TRPM3: variants seen among roughly 807,000 people sequenced by gnomAD.
TRPM3 encodes transient receptor potential cation channel subfamily M member 3.
In TRPM3, 77 loss-of-function variants were observed where a neutral mutation model predicts 181.2. That is an observed-to-expected ratio of 0.42 (90% CI 0.35 to 0.51). TRPM3 has a LOEUF of 0.51. TRPM3 is among the 20% of genes least tolerant of loss of function. The pLI is 0.01. For missense variants in TRPM3, 1,759 were observed against 2,196.7 expected (o/e 0.80, Z 3.98); for synonymous variants, 745 against 796.4 (o/e 0.94, Z 1.09).
intron 1 of TRPM3, among the ~76,000 whole-genome samples, chr9:71,382,462 T>A (rs2092823289): frequency 6.6e-6 from 1 of 152,148 alleles, no homozygotes; most frequent in Admixed American, 6.6e-5. Flanking sequence ...TGAGTCTTCT[T>A]ACTCTAGGTA....
intron 6 of TRPM3, among the ~76,000 whole-genome samples, chr9:70,802,027 C>T (rs774580107): frequency 2.0e-5 from 3 of 152,180 alleles, no homozygotes; most frequent in Admixed American, 6.5e-5. Flanking sequence ...TTCTGATCAG[C>T]AGGTCTAGAA....
At chr9:70,930,944 G>A (rs1448286018) in intron 1 of TRPM3, among the ~76,000 whole-genome samples, 1 of 152,000 alleles carries the variant, frequency 6.6e-6, no homozygotes, top group Non-Finnish European at 1.5e-5. Context: ...GAAAAATACA[G>A]ATAAAAATTA....
At chr9:70,602,601 A>G (rs1029143691) in intron 20 of TRPM3, among the ~76,000 whole-genome samples, 1 of 152,206 alleles carries the variant, frequency 6.6e-6, no homozygotes, top group African/African-American at 2.4e-5. Flanking sequence ...TCCCTGATGA[A>G]ATAGGAGCTT....
intron 6 of TRPM3, among the ~76,000 whole-genome samples, chr9:70,822,165 A>T (rs2093229573): frequency 6.6e-6 from 1 of 152,202 alleles, no homozygotes; most frequent in African/African-American, 2.4e-5. Flanking sequence ...TGTGCCCGTA[A>T]TTCTCTGCTT....
chr9:70,946,869 C>T (rs528237524), intron 1 of TRPM3, among the ~76,000 whole-genome samples: 1 of 152,264 alleles, frequency 6.6e-6, no homozygotes, highest in Admixed American at 6.5e-5. Flanking sequence ...TTCCACTCAA[C>T]ATTATATATA....
chr9:70,921,446 G>T (rs934469114), intron 1 of TRPM3, among the ~76,000 whole-genome samples: 3 of 152,178 alleles, frequency 2.0e-5, no homozygotes, highest in Non-Finnish European at 4.4e-5. Context: ...CTACAAACTA[G>T]TGCTATTAGC....
rs574850362 is a variant in TRPM3 at position 71,098,454 on chromosome 9, C to G, written c.177+22724G>C. Among the ~76,000 whole-genome samples the G allele has an allele frequency of 6.6e-5, 10 of 152,306 alleles. No homozygotes were observed. In the South Asian group the frequency reaches 2.1e-3, roughly 32 times the overall value. ...ACTGGTGTTTTCCGGTTTAACATAA[C>G]TACTTTCACACACTATTCAGCTGAG... On this transcript the variant is annotated intron_variant, in intron 1 of 25. Transcript: ENST00000677713.
intron 1 of TRPM3, among the ~76,000 whole-genome samples, chr9:71,294,409 T>C (rs1391051098): frequency 1.3e-5 from 2 of 152,034 alleles, no homozygotes; most frequent in Non-Finnish European, 2.9e-5. Context: ...CAAATTAAAA[T>C]CTCAAGGAGA....
At chr9:70,692,695 C>A (rs915072444) in intron 8 of TRPM3, among the ~76,000 whole-genome samples, 1 of 152,184 alleles carries the variant, frequency 6.6e-6, no homozygotes, top group African/African-American at 2.4e-5. Context: ...TTTAAGCTCT[C>A]GCTTCTTGGA....
chr9:71,249,931 A>C (rs1588133004), intron 1 of TRPM3, among the ~76,000 whole-genome samples: 1 of 152,370 alleles, frequency 6.6e-6, no homozygotes, highest in Non-Finnish European at 1.5e-5. Flanking sequence ...TTTCCCAGAC[A>C]TCACCATCTG....
chr9:71,341,320 A>T (rs547046316), intron 1 of TRPM3, among the ~76,000 whole-genome samples: 1 of 152,230 alleles, frequency 6.6e-6, no homozygotes, highest in South Asian at 2.1e-4. Flanking sequence ...AACAGGAAAA[A>T]AGTAACTTCA....
intron 7 of TRPM3, among the ~76,000 whole-genome samples, chr9:70,772,703 A>G (rs757581855): frequency 1.3e-5 from 2 of 152,198 alleles, no homozygotes; most frequent in Non-Finnish European, 2.9e-5. Context: ...GGCAGGGACA[A>G]GTGGGACATT....
intron 1 of TRPM3, among the ~76,000 whole-genome samples, chr9:71,375,768 G>C (rs544899877): frequency 6.6e-6 from 1 of 152,224 alleles, no homozygotes; most frequent in South Asian, 2.1e-4. Flanking sequence ...CATCAACATT[G>C]AGGCAAGACC....
intron 1 of TRPM3, among the ~76,000 whole-genome samples, chr9:71,053,473 C>A (rs1188727959): frequency 6.6e-6 from 1 of 152,104 alleles, no homozygotes; most frequent in African/African-American, 2.4e-5. Flanking sequence ...CTCCCAATGT[C>A]ATCCAGAAAA....
At chr9:71,112,370 G>T (rs2071310458) in intron 1 of TRPM3, among the ~76,000 whole-genome samples, 1 of 152,242 alleles carries the variant, frequency 6.6e-6, no homozygotes, top group Middle Eastern at 3.4e-3. Context: ...TACCTACAAA[G>T]ATTCTTCCTT....
At chr9:71,279,798 C>T (rs910052806) in intron 1 of TRPM3, among the ~76,000 whole-genome samples, 1 of 152,142 alleles carries the variant, frequency 6.6e-6, no homozygotes, top group Non-Finnish European at 1.5e-5. Context: ...ATTATCCCGG[C>T]CGGGCGCGGT....
chr9:71,258,049 C>T (rs10781004), intron 1 of TRPM3, among the ~76,000 whole-genome samples: 82,504 of 151,944 alleles, frequency 0.54, 22,517 homozygotes, highest in African/African-American at 0.59. Context: ...CTAAAAAGTA[C>T]CAGGATTTTA....
intron 1 of TRPM3, among the ~76,000 whole-genome samples, chr9:71,336,398 A>T (rs187440873): frequency 6.6e-6 from 1 of 152,306 alleles, no homozygotes; most frequent in African/African-American, 2.4e-5. Flanking sequence ...CTTACAAGGG[A>T]TGTGAAGGAC....
At chr9:70,894,818 G>C (rs74879707) in intron 1 of TRPM3, among the ~76,000 whole-genome samples, 12,008 of 152,138 alleles carry the variant, frequency 0.079, 534 homozygotes, top group African/African-American at 0.11. Context: ...ACCTTCTTGA[G>C]GATCTGTGTC....
Sources: allele counts gnomAD v4.1 joint callset (sites outside exome capture counted in the v4.1 genomes callset), GRCh38; gene constraint gnomAD v4.1.1; transcripts MANE v1.5; gene names NCBI Gene and HGNC (gene_info 2026-07-23, HGNC 2026-07-21).